Variants in LRP1B observed in about 807,000 individuals in gnomAD.
The protein encoded by LRP1B is low-density lipoprotein receptor-related protein 1B.
Under a neutral mutation model 556.6 loss-of-function variants are expected in LRP1B, and 217 were observed. The ratio of observed to expected loss-of-function variants is 0.39; its 90% CI spans 0.35 to 0.44. The LOEUF is 0.44. Ranked by LOEUF, LRP1B falls within the 20% of genes least tolerant of loss-of-function variation. The pLI is 1.00. For synonymous variants in LRP1B, 2,047 were observed against 1,865.8 expected (o/e 1.10, Z -2.50); for missense variants, 5,053 against 5,620.8 (o/e 0.90, Z 3.23).
intron 2 of LRP1B, among the ~76,000 whole-genome samples, chr2:141,577,076 C>T (rs1206525087): frequency 1.3e-5 from 2 of 152,018 alleles, no homozygotes; most frequent in East Asian, 1.9e-4. Context: ...CCTTGAACAC[C>T]TAATTGTAAC....
At chr2:141,934,225 C>G (rs779574472) in intron 1 of LRP1B, among the ~76,000 whole-genome samples, 1 of 151,402 alleles carries the variant, frequency 6.6e-6, no homozygotes, top group African/African-American at 2.4e-5. Flanking sequence ...ATCATAGAGT[C>G]TAGTAAAAAA....
intron 23 of LRP1B, among the ~76,000 whole-genome samples, chr2:140,891,806 C>T (rs1484587481): frequency 6.6e-6 from 1 of 152,142 alleles, no homozygotes; most frequent in Admixed American, 6.6e-5. Flanking sequence ...ATGATGATGT[C>T]ATCAGCTGTC....
At chr2:140,481,578 T>TTATTA (rs1688242394) in intron 59 of LRP1B, among the ~76,000 whole-genome samples, 9 of 137,130 alleles carry the variant, frequency 6.6e-5, no homozygotes, top group East Asian at 4.2e-4. Flanking sequence ...GGTAGCCATC[T>TTATTA]TTATTATTAT....
At chr2:141,893,973 T>G in intron 1 of LRP1B, among the ~76,000 whole-genome samples, 1 of 152,128 alleles carries the variant, frequency 6.6e-6, no homozygotes, top group East Asian at 1.9e-4. Context: ...CTTTTTCTTT[T>G]TGTTTTAATG....
At chr2:142,060,706 G>A (rs776055597) in intron 1 of LRP1B, among the ~76,000 whole-genome samples, 1 of 152,078 alleles carries the variant, frequency 6.6e-6, no homozygotes, top group Admixed American at 6.6e-5. Context: ...TGTTTTAAGA[G>A]AATACATATG....
chr2:141,577,493 G>A (rs1174880248), intron 2 of LRP1B, among the ~76,000 whole-genome samples: 2 of 152,174 alleles, frequency 1.3e-5, no homozygotes, highest in African/African-American at 4.8e-5. Context: ...AATTAGAACA[G>A]TCTGGAAGTG....
At chr2:140,620,826 TA>T (rs1400955394) in intron 41 of LRP1B, among the ~76,000 whole-genome samples, 1 of 152,180 alleles carries the variant, frequency 6.6e-6, no homozygotes, top group Non-Finnish European at 1.5e-5. Context: ...TATGATATTG[TA>T]AACCAGTTTT....
intron 67 of LRP1B, among the ~76,000 whole-genome samples, chr2:140,385,309 T>C (rs1440018446): frequency 1.3e-5 from 2 of 152,186 alleles, no homozygotes; most frequent in Admixed American, 6.5e-5. Context: ...CAATTTTATA[T>C]AACTGCCATA....
intron 6 of LRP1B, among the ~76,000 whole-genome samples, chr2:141,204,320 G>T (rs1682173821): frequency 6.6e-6 from 1 of 152,154 alleles, no homozygotes; most frequent in African/African-American, 2.4e-5. Context: ...TGTTTGACAT[G>T]GGTAGAAATT....
At chr2:141,864,101 A>G (rs1698332243) in intron 1 of LRP1B, among the ~76,000 whole-genome samples, 1 of 152,144 alleles carries the variant, frequency 6.6e-6, no homozygotes, top group Non-Finnish European at 1.5e-5. Flanking sequence ...AACAAAAATT[A>G]TGTTTGGGGT....
chr2:142,082,934 C>A (rs571043290), intron 1 of LRP1B, among the ~76,000 whole-genome samples: 1 of 151,928 alleles, frequency 6.6e-6, no homozygotes, highest in Non-Finnish European at 1.5e-5. Flanking sequence ...TTCTTCCCCA[C>A]GATTGTTATC....
chr2:141,195,385 C>CTCTATAAGTG (rs1681709666), intron 6 of LRP1B, among the ~76,000 whole-genome samples: 1 of 152,110 alleles, frequency 6.6e-6, no homozygotes, highest in Non-Finnish European at 1.5e-5. Context: ...GTCTCTATAA[C>CTCTATAAGTG]AGAACCACCT....
intron 20 of LRP1B, among the ~76,000 whole-genome samples, chr2:140,924,503 C>A (rs1694830673): frequency 6.6e-6 from 1 of 151,994 alleles, no homozygotes; most frequent in Admixed American, 6.6e-5. Flanking sequence ...ACCATACATC[C>A]TAAATATTGC....
At chr2:140,312,852 C>A (rs377265808) in intron 83 of LRP1B, among the ~76,000 whole-genome samples, 3 of 151,992 alleles carry the variant, frequency 2.0e-5, no homozygotes, top group Admixed American at 2.0e-4. Flanking sequence ...TATGCCTCAA[C>A]GATGTGTACT....
intron 3 of LRP1B, among the ~76,000 whole-genome samples, chr2:141,268,151 A>G (rs1409891773): frequency 2.4e-4 from 36 of 152,182 alleles, no homozygotes; most frequent in Admixed American, 2.4e-3. Flanking sequence ...CCTGGCATAC[A>G]TCAGGTCAAA....
intron 2 of LRP1B, among the ~76,000 whole-genome samples, chr2:141,485,019 GA>G (rs1478925055): frequency 6.6e-6 from 1 of 152,138 alleles, no homozygotes; most frequent in African/African-American, 2.4e-5. Context: ...CTGGTGGCCA[GA>G]AGAGAGGCTC....
chr2:141,361,827 G>GA (rs1192512239), intron 3 of LRP1B, among the ~76,000 whole-genome samples: 1 of 152,072 alleles, frequency 6.6e-6, no homozygotes, highest in African/African-American at 2.4e-5. Flanking sequence ...CTTACTTTAA[G>GA]AAAAAAATAT....
At chr2:141,517,029 A>AAAAAAAAAAAAAAAAAAAAAAAAAAC (rs772472942) in intron 2 of LRP1B, among the ~76,000 whole-genome samples, 10 of 90,192 alleles carry the variant, frequency 1.1e-4, no homozygotes, top group Non-Finnish European at 1.7e-4. Context: ...AAAAAAAAAA[A>AAAAAAAAAAAAAAAAAAAAAAAAAAC]AAAGTAAATC....
chr2:141,553,103 G>A (rs1685814576), intron 2 of LRP1B, among the ~76,000 whole-genome samples: 1 of 151,832 alleles, frequency 6.6e-6, no homozygotes, highest in African/African-American at 2.4e-5. Context: ...TTTATAGGAT[G>A]AGGACACTTA....
Sources: allele counts gnomAD v4.1 joint callset (sites outside exome capture counted in the v4.1 genomes callset), GRCh38; gene constraint gnomAD v4.1.1; transcripts MANE v1.5; gene names NCBI Gene and HGNC (gene_info 2026-07-23, HGNC 2026-07-21).